The following RANBP2 variants were observed in gnomAD, a reference collection of about 807,000 sequenced individuals.
RANBP2 encodes the protein RAN binding protein 2, also known as E3 SUMO-protein ligase RanBP2.
In RANBP2, 57 loss-of-function variants were observed where a neutral mutation model predicts 303.6. That is an observed-to-expected ratio of 0.19 (90% CI 0.15 to 0.23). RANBP2 has a LOEUF of 0.23. Among genes scored for constraint, RANBP2 ranks in the 10% least tolerant of loss-of-function variants. RANBP2 has a pLI of 1.00. For synonymous variants in RANBP2, 1,167 were observed against 1,301.5 expected (o/e 0.90, Z 2.23); for missense variants, 3,138 against 3,780.8 (o/e 0.83, Z 4.46).
At chr2:109,601,635 G>T in the RANBP2 span, among the ~76,000 whole-genome samples, 1 of 152,010 alleles carries the variant, frequency 6.6e-6, no homozygotes, top group Non-Finnish European at 1.5e-5. Flanking sequence ...CTTGTCATGT[G>T]TATCATAAAT....
chr2:108,862,139 C>A, the RANBP2 span, among the ~76,000 whole-genome samples: 2,080 of 144,252 alleles, frequency 0.014, 51 homozygotes, highest in African/African-American at 0.051. Flanking sequence ...GAGTATGTTT[C>A]ACATGCAGAT....
the RANBP2 span, chr2:109,614,126 C>G: frequency 2.5e-6 from 3 of 1,206,158 alleles, no homozygotes; most frequent in African/African-American, 3.1e-5. Context: ...TGAAGGAGAG[C>G]TGGGACTCCA....
At chr2:109,456,610 C>G in the RANBP2 span, among the ~76,000 whole-genome samples, 81,061 of 151,994 alleles carry the variant, frequency 0.53, 21,938 homozygotes, top group Non-Finnish European at 0.56. Flanking sequence ...CCCAGGACAG[C>G]AAGTGAAGCT....
the RANBP2 span, among the ~76,000 whole-genome samples, chr2:108,952,520 T>C: frequency 1.3e-5 from 2 of 152,226 alleles, no homozygotes; most frequent in African/African-American, 4.8e-5. Context: ...TTCTGGTGAA[T>C]TTTTCATTTC....
the RANBP2 span, among the ~76,000 whole-genome samples, chr2:109,474,498 G>A: frequency 0.28 from 42,871 of 152,044 alleles, 6,623 homozygotes; most frequent in East Asian, 0.41. Flanking sequence ...GGGGACAGGC[G>A]GCAGCAGTGG....
the RANBP2 span, among the ~76,000 whole-genome samples, chr2:109,044,727 T>C: frequency 6.6e-6 from 1 of 152,100 alleles, no homozygotes; most frequent in African/African-American, 2.4e-5. Flanking sequence ...TGTGTGGAGC[T>C]AGGGGAGAGA....
the RANBP2 span, among the ~76,000 whole-genome samples, chr2:108,968,883 A>G: frequency 6.6e-6 from 1 of 152,224 alleles, no homozygotes; most frequent in African/African-American, 2.4e-5. Context: ...CAGTCACGGT[A>G]GGGTTACATG....
the RANBP2 span, chr2:109,615,709 G>C: frequency 2.5e-6 from 4 of 1,613,688 alleles, no homozygotes; most frequent in Non-Finnish European, 3.4e-6. Context: ...AGCGCCGCGG[G>C]TAGCGGCGGC....
intron 15 of RANBP2, among the ~76,000 whole-genome samples, chr2:108,754,263 CAA>C (rs1676128350): frequency 6.6e-6 from 1 of 151,298 alleles, no homozygotes; most frequent in East Asian, 1.9e-4. Context: ...GTAATCAAAA[CAA>C]ATATTATAAC....
chr2:109,078,247 G>GTATATATATATATATATAGCGTGTA, the RANBP2 span, among the ~76,000 whole-genome samples: 1 of 56,418 alleles, frequency 1.8e-5, no homozygotes, highest in Non-Finnish European at 3.3e-5. Context: ...TATATAGCGT[G>GTATATATATATATATATAGCGTGTA]TATATATATA....
At chr2:109,594,554 CT>C in the RANBP2 span, 1 of 151,464 alleles carries the variant, frequency 6.6e-6, no homozygotes, top group East Asian at 2.0e-4. Context: ...GTGTTCTCCT[CT>C]GTATACTACA....
At chr2:109,053,283 C>T in the RANBP2 span, among the ~76,000 whole-genome samples, 4 of 152,338 alleles carry the variant, frequency 2.6e-5, no homozygotes, top group South Asian at 4.1e-4. Context: ...GCAAGAGAGA[C>T]GAAAATGACA....
the RANBP2 span, among the ~76,000 whole-genome samples, chr2:108,964,016 C>G: frequency 6.6e-6 from 1 of 152,194 alleles, no homozygotes; most frequent in Non-Finnish European, 1.5e-5. Flanking sequence ...GGACTATGGC[C>G]TCTGTGGCTG....
At chr2:109,164,250 A>G in the RANBP2 span, among the ~76,000 whole-genome samples, 3 of 152,028 alleles carry the variant, frequency 2.0e-5, no homozygotes, top group Admixed American at 1.3e-4. Flanking sequence ...ATGACTGATC[A>G]TAACTCACTG....
chr2:109,054,488 C>T, the RANBP2 span, among the ~76,000 whole-genome samples: 10 of 152,040 alleles, frequency 6.6e-5, no homozygotes, highest in South Asian at 2.1e-4. Flanking sequence ...GGGCAGATCA[C>T]GAGGTCAAGA....
the RANBP2 span, chr2:109,545,786 T>G: frequency 7.0e-7 from 1 of 1,427,612 alleles, no homozygotes. Context: ...ACTGATCCTT[T>G]TCACACTGTG....
the RANBP2 span, among the ~76,000 whole-genome samples, chr2:109,021,905 A>G: frequency 5.3e-5 from 8 of 152,094 alleles, no homozygotes; most frequent in Non-Finnish European, 1.2e-4. Context: ...TCCACCAGGG[A>G]TTGAGAAGTG....
the RANBP2 span, among the ~76,000 whole-genome samples, chr2:109,204,077 T>A: frequency 2.6e-5 from 4 of 152,204 alleles, no homozygotes; most frequent in Non-Finnish European, 5.9e-5. Context: ...TTGCACCTCC[T>A]GCCCACTGGC....
At chr2:109,651,047 A>G in the RANBP2 span, among the ~76,000 whole-genome samples, 4 of 151,946 alleles carry the variant, frequency 2.6e-5, no homozygotes, top group African/African-American at 9.7e-5. Flanking sequence ...TTGTAGTTCT[A>G]CCCGTATTTA....
Sources: gnomAD v4.1 joint callset for allele counts (sites outside exome capture counted in the v4.1 genomes callset) on GRCh38, gnomAD v4.1.1 for gene constraint, MANE v1.5 for transcripts, NCBI Gene and HGNC (gene_info 2026-07-23, HGNC 2026-07-21) for gene names.